CHSY3: variants seen among roughly 807,000 people sequenced by gnomAD.
CHSY3 encodes the protein chondroitin sulfate synthase 3.
Under a neutral mutation model 67.2 loss-of-function variants are expected in CHSY3, and 35 were observed. That is an observed-to-expected ratio of 0.52 (90% CI 0.40 to 0.69). The LOEUF is 0.69. Among genes scored for constraint, CHSY3 ranks in the 30% least tolerant of loss-of-function variants. CHSY3 has a pLI of 0.00. For synonymous variants in CHSY3, 474 were observed against 434.7 expected (o/e 1.09, Z -1.12); for missense variants, 1,069 against 1,138.5 (o/e 0.94, Z 0.88).
In CHSY3 at chr5:130,157,052, G is replaced by GT. The variant is rs1449968865; in HGVS notation, c.1087-27176dup. 2.0e-5 allele frequency among the ~76,000 whole-genome samples: 3 copies of GT among 152,150 alleles called. 1 individual carries two copies. The highest frequency in any genetic ancestry group is 4.4e-5 in the Non-Finnish European group (3 of 68,038). ...ACACAAGTTTACGAACTACTTACTT[G>GT]TGGTCCCCAAATGTGCACATGTTGA... On this transcript the variant is annotated intron_variant, in intron 2 of 2. Transcript: ENST00000305031.
intron 2 of CHSY3, among the ~76,000 whole-genome samples, chr5:130,138,030 ACT>A (rs1768722452): frequency 1.3e-5 from 2 of 151,944 alleles, no homozygotes. Context: ...AGAGAGAGAA[ACT>A]CTGTGTGTTA....
intron 2 of CHSY3, among the ~76,000 whole-genome samples, chr5:130,069,774 A>G (rs1487860435): frequency 6.6e-6 from 1 of 152,080 alleles, no homozygotes; most frequent in African/African-American, 2.4e-5. Flanking sequence ...ATCTCTGATA[A>G]CATGGAAAAC....
chr5:129,932,574 T>A (rs758299266), intron 2 of CHSY3, among the ~76,000 whole-genome samples: 5 of 152,146 alleles, frequency 3.3e-5, no homozygotes, highest in Non-Finnish European at 7.4e-5. Flanking sequence ...TAATAATCAA[T>A]GGTTTATAAC....
In CHSY3 at chr5:130,107,775, T is replaced by C. The variant is rs192683320; in HGVS notation, c.1087-76454T>C. The stretch of plus-strand genomic sequence containing the variant: ...GTTCAGTTTAATAATTAGGTCTAAT[T>C]ATTGGTATCATGCCTGCAAAGCAAG... On this transcript the variant is annotated intron_variant, in intron 2 of 2. Coordinates refer to ENST00000305031, the MANE Select transcript of CHSY3 (RefSeq NM_175856.5). Among the ~76,000 whole-genome samples, 24 of 151,718 alleles carry C rather than the reference T, an allele frequency of 1.6e-4. No homozygotes were observed. In the South Asian group the frequency reaches 1.9e-3, roughly 12 times the overall value.
intron 2 of CHSY3, among the ~76,000 whole-genome samples, chr5:130,147,124 C>T (rs1280740812): frequency 6.6e-5 from 10 of 152,136 alleles, no homozygotes; most frequent in East Asian, 1.9e-4. Context: ...GGCAGTACTG[C>T]TTGCCTTGTT....
chr5:130,156,432 C>G (rs1769376830), intron 2 of CHSY3, among the ~76,000 whole-genome samples: 1 of 152,150 alleles, frequency 6.6e-6, no homozygotes, highest in Non-Finnish European at 1.5e-5. Flanking sequence ...AGTGTTTTGT[C>G]TACTATTAAT....
intron 2 of CHSY3, among the ~76,000 whole-genome samples, chr5:129,941,828 A>G (rs572285506): frequency 6.6e-6 from 1 of 152,140 alleles, no homozygotes; most frequent in African/African-American, 2.4e-5. Context: ...AAACCAGTCA[A>G]AAGTCCAGAC....
intron 2 of CHSY3, among the ~76,000 whole-genome samples, chr5:129,966,804 A>G (rs1262084818): frequency 1.3e-5 from 2 of 151,772 alleles, no homozygotes; most frequent in African/African-American, 4.8e-5. Context: ...TTGAAAAGGG[A>G]ATGAAAAAAG....
In CHSY3 at chr5:130,184,583, C is replaced by A. The variant is rs775534348; in HGVS notation, c.1441C>A (p.Gln481Lys). 18 of 1,612,220 alleles carry A rather than the reference C, an allele frequency of 1.1e-5. No homozygotes were observed. The South Asian group carries it at 1.4e-4, about 13-fold the overall frequency. ...GCTTCTATACTCAGCAGCTGAGAAC[C>A]AGCCCCCTCGACAGAGCCTCAGTAG... ...GKLLYSAAEN[Q>K]PPRQSLSSIL... The change falls in exon 3 of 3, where the codon CAG becomes AAG. Residue 481 changes from glutamine to lysine, a missense_variant. Physicochemically the swap from Gln to Lys is moderately conservative, Grantham distance 53 (BLOSUM62 1). Coordinates refer to ENST00000305031, the MANE Select transcript of CHSY3 (RefSeq NM_175856.5).
chr5:129,953,317 T>A (rs781142742), intron 2 of CHSY3, among the ~76,000 whole-genome samples: 3 of 152,214 alleles, frequency 2.0e-5, no homozygotes, highest in Non-Finnish European at 4.4e-5. Flanking sequence ...ACTCATCCTT[T>A]TTTATGTCTG....
intron 2 of CHSY3, among the ~76,000 whole-genome samples, chr5:129,957,222 T>C (rs1762202650): frequency 6.6e-6 from 1 of 152,160 alleles, no homozygotes; most frequent in Non-Finnish European, 1.5e-5. Context: ...ATTCTTTTTA[T>C]AGCAATTGTG....
chr5:129,949,422 C>T lies in CHSY3; in HGVS notation c.1086+41062C>T, dbSNP rs550702228. Among the ~76,000 whole-genome samples, 13 of 152,050 alleles carry T rather than the reference C, an allele frequency of 8.5e-5. No individual in the cohort carries two copies. In the South Asian group the frequency reaches 2.7e-3, roughly 32 times the overall value. The stretch of plus-strand genomic sequence containing the variant: ...ATAATAAATAGAAAATCTGAAAAGA[C>T]TAATAAGGAGTAAGGAGACAGAATT... On this transcript the variant is annotated intron_variant, in intron 2 of 2. Transcript: ENST00000305031.
At chr5:130,050,294 C>A (rs996227508) in intron 2 of CHSY3, among the ~76,000 whole-genome samples, 1 of 152,074 alleles carries the variant, frequency 6.6e-6, no homozygotes, top group African/African-American at 2.4e-5. Flanking sequence ...ACCTTCCGTT[C>A]ATTATCTTTA....
intron 2 of CHSY3, among the ~76,000 whole-genome samples, chr5:130,109,588 T>C (rs1430320697): frequency 6.6e-6 from 1 of 151,862 alleles, no homozygotes; most frequent in Non-Finnish European, 1.5e-5. Context: ...TCAGGAGTTC[T>C]AGTATTTTTC....
At chr5:130,113,314 G>C (rs1205539385) in intron 2 of CHSY3, among the ~76,000 whole-genome samples, 1 of 152,082 alleles carries the variant, frequency 6.6e-6, no homozygotes, top group Non-Finnish European at 1.5e-5. Context: ...ATTTTTGTCA[G>C]AGCATAGATC....
intron 2 of CHSY3, among the ~76,000 whole-genome samples, chr5:129,961,965 A>G (rs1329874284): frequency 2.6e-5 from 4 of 151,974 alleles, no homozygotes; most frequent in Admixed American, 1.3e-4. Flanking sequence ...TCTCAGCCCA[A>G]ACCAGGAAAC....
intron 2 of CHSY3, among the ~76,000 whole-genome samples, chr5:130,159,318 C>T (rs1054025311): frequency 2.6e-5 from 4 of 151,914 alleles, no homozygotes; most frequent in Non-Finnish European, 5.9e-5. Flanking sequence ...GCGTGCGCCA[C>T]CACACTCTGC....
chr5:130,064,844 T>C (rs2149678631), intron 2 of CHSY3, among the ~76,000 whole-genome samples: 1 of 152,328 alleles, frequency 6.6e-6, no homozygotes, highest in South Asian at 2.1e-4. Flanking sequence ...TGATTTGCTT[T>C]TCCTTTTTCT....
intron 2 of CHSY3, among the ~76,000 whole-genome samples, chr5:129,981,501 C>T (rs1762984343): frequency 6.6e-6 from 1 of 151,758 alleles, no homozygotes; most frequent in Non-Finnish European, 1.5e-5. Flanking sequence ...AATCTACATA[C>T]TTTTTATTTT....
Sources: gnomAD v4.1 joint callset for allele counts (sites outside exome capture counted in the v4.1 genomes callset) on GRCh38, gnomAD v4.1.1 for gene constraint, MANE v1.5 for transcripts, NCBI Gene and HGNC (gene_info 2026-07-23, HGNC 2026-07-21) for gene names.